The following PCDHGA4 variants were observed in gnomAD, a reference collection of about 807,000 sequenced individuals.
PCDHGA4 encodes protocadherin gamma subfamily A, 4, also known as protocadherin gamma-A4.
In PCDHGA4, 38 loss-of-function variants were observed where a neutral mutation model predicts 54.6. The observed-to-expected ratio is 0.70, with a 90% CI of 0.54 to 0.91. The LOEUF is 0.91. Among genes scored for constraint, PCDHGA4 ranks in the 40% least tolerant of loss-of-function variants. The probability of loss-of-function intolerance (pLI) is 0.00; values close to 1 mark genes in which losing one functional copy is unlikely to be tolerated. For synonymous variants in PCDHGA4, 511 were observed against 512.9 expected (o/e 1.00, Z 0.05); for missense variants, 1,298 against 1,220.9 (o/e 1.06, Z -0.94).
chr5:141,422,140 C>T (rs1275997338), intron 1 of PCDHGA4: 15 of 1,586,774 alleles, frequency 9.5e-6, no homozygotes, highest in Non-Finnish European at 1.3e-5. Flanking sequence ...AGTTCAAGTA[C>T]GGGGGTCTCT....
At chr5:141,398,256 G>C in intron 1 of PCDHGA4, 3 of 1,460,296 alleles carry the variant, frequency 2.1e-6, no homozygotes, top group Non-Finnish European at 9.3e-7. Flanking sequence ...AAATGCCCAA[G>C]GGCTCCGTAG....
chr5:141,424,055 C>A, intron 1 of PCDHGA4: 2 of 1,007,784 alleles, frequency 2.0e-6, no homozygotes, highest in Non-Finnish European at 1.2e-6. Context: ...TTTTGCTGTG[C>A]CTTCACTGAT....
At chr5:141,456,364 G>A (rs778916049) in intron 1 of PCDHGA4, among the ~76,000 whole-genome samples, 2 of 152,258 alleles carry the variant, frequency 1.3e-5, no homozygotes, top group Admixed American at 6.5e-5. Flanking sequence ...TCCATGTGTG[G>A]TTCAGTTTAC....
chr5:141,437,762 A>G (rs1286042187), intron 1 of PCDHGA4, among the ~76,000 whole-genome samples: 1 of 149,476 alleles, frequency 6.7e-6, no homozygotes, highest in African/African-American at 2.5e-5. Context: ...TTTTTGAGAC[A>G]GAGTCTCAAT....
At chr5:141,417,556 A>C (rs1240389709) in intron 1 of PCDHGA4, 1 of 333,096 alleles carries the variant, frequency 3.0e-6, no homozygotes, top group Non-Finnish European at 5.4e-6. Context: ...TGAAAGAGGT[A>C]GAGAAAAGTC....
chr5:141,428,395 G>A, intron 1 of PCDHGA4: 1 of 488,280 alleles, frequency 2.0e-6, no homozygotes, highest in Non-Finnish European at 3.8e-6. Flanking sequence ...CAGCCCCTCT[G>A]CCTGGGGTTG....
chr5:141,375,714 G>C, intron 1 of PCDHGA4: 1 of 1,614,262 alleles, frequency 6.2e-7, no homozygotes, highest in Non-Finnish European at 8.5e-7. Context: ...CCTCTTAGCA[G>C]CAACGTGTCA....
rs1299573831 is a variant in PCDHGA4 at position 141,500,662 on chromosome 5, T to A, written c.2574-4731T>A. 5.3e-5 allele frequency among the ~76,000 whole-genome samples: 8 copies of A among 152,352 alleles called. No homozygotes were observed. The East Asian group carries it at 1.5e-3, about 29-fold the overall frequency. ...TTTTTAAAAATAGCAACTGAGGCCA[T>A]ACTGTCCAACAGAATTATAGCTTTT... On this transcript the variant is annotated intron_variant, in intron 2 of 3. Coordinates refer to ENST00000571252, the MANE Select transcript of PCDHGA4 (RefSeq NM_018917.4).
chr5:141,357,240 T>C lies in PCDHGA4; in HGVS notation c.2133T>C (p.Pro711=). 6.2e-7 allele frequency: 1 copy of C among 1,613,702 alleles called. No homozygotes were observed. The highest frequency in any genetic ancestry group is 8.5e-7 in the Non-Finnish European group (1 of 1,179,772). Reference sequence around the variant, plus strand: ...TGGCTGACTTGGGCAGCCTCAAGCCTTCAGCAGACCCAGACGACTCGGGCC... The same window carrying C: ...TGGCTGACTTGGGCAGCCTCAAGCCCTCAGCAGACCCAGACGACTCGGGCC... ...DVLADLGSLK[P]SADPDDSGLT... Residue 711 remains proline, a synonymous_variant, in exon 1 of 4, where the codon CCT becomes CCC. Transcript: ENST00000571252.
Position 141,491,754 on chromosome 5 carries a change from C to T in PCDHGA4, c.2515-3053C>T. ...CCCCTGGGGGCGGCACTGGAGAAGC[C>T]GCCCGTCCTCATAAGGGATTGAACT... On this transcript the variant is annotated intron_variant, in intron 1 of 3. Transcript: ENST00000571252. The surrounding 1 kb of genome is among the most constrained non-coding windows in gnomAD (Gnocchi z 6.9). 5.7e-6 allele frequency: 9 copies of T among 1,582,682 alleles called. No individual in the cohort carries two copies. The highest frequency in any genetic ancestry group is 7.7e-6 in the Non-Finnish European group (9 of 1,165,614).
chr5:141,422,928 C>T lies in PCDHGA4; in HGVS notation c.2514+65307C>T, dbSNP rs781145334. 4 of 1,614,128 alleles carry T rather than the reference C, an allele frequency of 2.5e-6. No individual in the cohort carries two copies. In the African/African-American group the frequency reaches 4.0e-5, roughly 16 times the overall value. On this transcript the variant is annotated intron_variant, in intron 1 of 3. Transcript: ENST00000571252. ...ATGCGCCCGAGATCCTGTACCCTGC[C>T]CTCCCCACAGACGGCTCCACTGGCG...
chr5:141,392,931 G>T, intron 1 of PCDHGA4: 1 of 1,613,920 alleles, frequency 6.2e-7, no homozygotes, highest in Non-Finnish European at 8.5e-7. Context: ...AGAAGAGACG[G>T]ACAAAGGCTC....
chr5:141,477,087 C>A lies in PCDHGA4; in HGVS notation c.2515-17720C>A, dbSNP rs748424193. 14 of 1,614,244 alleles carry A rather than the reference C, an allele frequency of 8.7e-6. No individual in the cohort carries two copies. Among genetic ancestry groups the A allele is most frequent in the Non-Finnish European group, 8.5e-7 (1 of 1,180,048 alleles). On this transcript the variant is annotated intron_variant, in intron 1 of 3. Transcript: ENST00000571252. This position sits in a 1 kb window ranked among gnomAD's most constrained non-coding sequence, Gnocchi z 4.9. ...AAACTCCATGAGATTTACATCCAGG[C>A]CAAAGACAAGGGCGCCAATCCCGAA...
chr5:141,378,005 T>G (rs1425146532), intron 1 of PCDHGA4: 7 of 152,232 alleles, frequency 4.6e-5, no homozygotes, highest in Admixed American at 4.6e-4. Flanking sequence ...TTGGCTCAAA[T>G]AAGCTCTACT....
At chr5:141,364,714 T>C in intron 1 of PCDHGA4, 1 of 1,613,970 alleles carries the variant, frequency 6.2e-7, no homozygotes, top group South Asian at 1.1e-5. Context: ...ATATTAATGA[T>C]AACTTCCCGC....
chr5:141,408,540 C>G (rs201370009), intron 1 of PCDHGA4: 4 of 1,613,928 alleles, frequency 2.5e-6, no homozygotes, highest in Non-Finnish European at 3.4e-6. Flanking sequence ...GTGGAAAATC[C>G]TTTAAATATT....
chr5:141,390,532 T>A, intron 1 of PCDHGA4: 1 of 531,632 alleles, frequency 1.9e-6, no homozygotes, highest in Non-Finnish European at 3.3e-6. Flanking sequence ...GGTGTGGTTT[T>A]AACCACAAAG....
At chr5:141,386,427 C>T (rs2090573409) in intron 1 of PCDHGA4, among the ~76,000 whole-genome samples, 1 of 152,052 alleles carries the variant, frequency 6.6e-6, no homozygotes. Context: ...CTGTAGCCCA[C>T]CTGCATGGGA....
chr5:141,397,450 A>G (rs1434264337), intron 1 of PCDHGA4, among the ~76,000 whole-genome samples: 1 of 152,258 alleles, frequency 6.6e-6, no homozygotes, highest in Admixed American at 6.5e-5. Context: ...AATATAAAAC[A>G]CTAGAAATAT....
Sources: gnomAD v4.1 joint callset for allele counts (sites outside exome capture counted in the v4.1 genomes callset) on GRCh38, gnomAD v4.1.1 for gene constraint, Gnocchi (gnomAD v3.1) non-coding constraint, MANE v1.5 for transcripts, NCBI Gene and HGNC (gene_info 2026-07-23, HGNC 2026-07-21) for gene names.